CUL3: variants seen among roughly 807,000 people sequenced by gnomAD.
CUL3 encodes cullin-3.
A neutral mutation model predicts 89.1 loss-of-function variants in CUL3; 19 were observed. The ratio of observed to expected loss-of-function variants is 0.21; its 90% CI spans 0.15 to 0.31. CUL3 has a LOEUF of 0.31. Among genes scored for constraint, CUL3 ranks in the 10% least tolerant of loss-of-function variants. The pLI is 1.00. For synonymous variants in CUL3, 351 were observed against 308.4 expected (o/e 1.14, Z -1.45); for missense variants, 469 against 942.3 (o/e 0.50, Z 6.58).
intron 14 of CUL3, chr2:224,478,902 A>G (rs1335037559): frequency 6.6e-6 from 1 of 152,396 alleles, no homozygotes; most frequent in Non-Finnish European, 1.5e-5. Context: ...ATCTCCCTAG[A>G]GTTCTGTTAT....
At chr2:224,531,366 G>A (rs975553144) in intron 3 of CUL3, among the ~76,000 whole-genome samples, 4 of 151,934 alleles carry the variant, frequency 2.6e-5, no homozygotes, top group African/African-American at 9.7e-5. Flanking sequence ...GGAATTACAG[G>A]GGTGAGCCAC....
At chr2:224,579,707 G>A (rs1341767826) in intron 1 of CUL3, among the ~76,000 whole-genome samples, 1 of 152,162 alleles carries the variant, frequency 6.6e-6, no homozygotes, top group African/African-American at 2.4e-5. Flanking sequence ...TGATGAGTTA[G>A]CAAGCTTTTA....
At chr2:224,553,465 T>C (rs1189863432) in intron 2 of CUL3, among the ~76,000 whole-genome samples, 3 of 152,214 alleles carry the variant, frequency 2.0e-5, no homozygotes, top group Non-Finnish European at 4.4e-5. Flanking sequence ...TTAAAATTTA[T>C]TTAGTACAAT....
intron 14 of CUL3, chr2:224,478,670 G>C: frequency 4.6e-6 from 1 of 215,476 alleles, no homozygotes; most frequent in South Asian, 8.6e-5. Flanking sequence ...CATTGCTTAT[G>C]ACTATCAGAG....
At position 224,584,430 on chromosome 2, in the gene CUL3, T is replaced by TGC. The variant is rs1406446981; in HGVS notation, c.66+512_66+513dup. Reference sequence around the variant, plus strand: ...GAGCATTCCGTGGAACCACTGTCACTGCGTCGGGGGCAGGTTGATGGCATA... The same window carrying TGC: ...GAGCATTCCGTGGAACCACTGTCACTGCGCGTCGGGGGCAGGTTGATGGCATA... On this transcript the variant is annotated intron_variant, in intron 1 of 15. Coordinates refer to ENST00000264414, the MANE Select transcript of CUL3 (RefSeq NM_003590.5). Among the ~76,000 whole-genome samples, 4 of 152,184 alleles carry TGC rather than the reference T, an allele frequency of 2.6e-5. No individual in the cohort carries two copies. The East Asian group carries it at 7.7e-4, about 29-fold the overall frequency.
At chr2:224,513,197 T>C (rs960038953) in intron 5 of CUL3, among the ~76,000 whole-genome samples, 8 of 152,208 alleles carry the variant, frequency 5.3e-5, no homozygotes, top group African/African-American at 1.7e-4. Flanking sequence ...TAGCACACTA[T>C]TAGTTAAGTT....
chr2:224,551,443 G>T (rs574278463), intron 2 of CUL3, among the ~76,000 whole-genome samples: 1 of 151,730 alleles, frequency 6.6e-6, no homozygotes, highest in African/African-American at 2.4e-5. Flanking sequence ...CTGACCTCGT[G>T]ATCTGCCCAC....
At chr2:224,489,682 A>G (rs1691879864) in intron 13 of CUL3, among the ~76,000 whole-genome samples, 1 of 152,212 alleles carries the variant, frequency 6.6e-6, no homozygotes, top group Non-Finnish European at 1.5e-5. Context: ...TGCTATTCCC[A>G]TCAAGCTACC....
chr2:224,539,802 G>C (rs1320190235), intron 2 of CUL3, among the ~76,000 whole-genome samples: 1 of 151,974 alleles, frequency 6.6e-6, no homozygotes, highest in Non-Finnish European at 1.5e-5. Flanking sequence ...AGTAGGCAGA[G>C]CACAGGATTC....
At chr2:224,533,767 C>T (rs889073603) in intron 3 of CUL3, among the ~76,000 whole-genome samples, 1 of 152,086 alleles carries the variant, frequency 6.6e-6, no homozygotes, top group Admixed American at 6.5e-5. Flanking sequence ...AATTTATAAC[C>T]GGATGAGAAA....
intron 13 of CUL3, among the ~76,000 whole-genome samples, chr2:224,491,268 T>C (rs1691965715): frequency 6.6e-6 from 1 of 152,194 alleles, no homozygotes; most frequent in Non-Finnish European, 1.5e-5. Flanking sequence ...TTGGGTACAT[T>C]TACCCTTTCA....
Position 224,585,216 on chromosome 2 carries a change from T to G in CUL3, c.-207A>C. 2.7e-6 allele frequency: 1 copy of G among 370,118 alleles called. No individual in the cohort carries two copies. The allele number at this position is 370,118 out of a possible 1,614,324, so 22.9% of individuals were successfully genotyped here. A position where few individuals can be genotyped will look rare whatever the true frequency, so the allele number is the denominator to read the frequency against. On this transcript the variant is annotated 5_prime_UTR_variant, in exon 1 of 16. Transcript: ENST00000264414. ...CGGCGGCGGCTCGGACTCTGGCGAC[T>G]CCGATGCGGCTGGGGGGCTGCGCTG...
At chr2:224,547,204 A>G (rs758539205) in intron 2 of CUL3, among the ~76,000 whole-genome samples, 3 of 152,110 alleles carry the variant, frequency 2.0e-5, no homozygotes, top group Non-Finnish European at 4.4e-5. Flanking sequence ...AATGGCTCCC[A>G]CCACCAACAG....
intron 10 of CUL3, among the ~76,000 whole-genome samples, chr2:224,501,788 T>C (rs549025633): frequency 6.6e-6 from 1 of 152,150 alleles, no homozygotes. Context: ...AAGTGGACAG[T>C]CCATCCATCC....
At position 224,516,536 on chromosome 2, in the gene CUL3, C is replaced by T. The variant is rs376847925; in HGVS notation, c.379-1764G>A. Among the ~76,000 whole-genome samples, 417 of 151,974 alleles carry T rather than the reference C, an allele frequency of 2.7e-3. 3 individuals are homozygous for T. The highest frequency in any genetic ancestry group is 9.6e-3 in the African/African-American group (398 of 41,466). ...TTCACCATGTTGGCCAGGATGGTCT[C>T]GATCTCTTGACCTTGTGATCTGCCC... is the stretch of plus-strand genomic sequence containing the variant. On this transcript the variant is annotated intron_variant, in intron 3 of 15. Transcript: ENST00000264414.
At chr2:224,543,378 T>TC (rs1694184924) in intron 2 of CUL3, among the ~76,000 whole-genome samples, 1 of 152,134 alleles carries the variant, frequency 6.6e-6, no homozygotes, top group Non-Finnish European at 1.5e-5. Context: ...ATGGAGCACA[T>TC]CCTAATTATA....
At chr2:224,541,528 TTAAA>T (rs1694102798) in intron 2 of CUL3, among the ~76,000 whole-genome samples, 1 of 152,268 alleles carries the variant, frequency 6.6e-6, no homozygotes, top group East Asian at 1.9e-4. Context: ...TCTTAGGAAG[TTAAA>T]TAACATCACG....
At chr2:224,476,068 G>A (rs1357853656) in intron 15 of CUL3, among the ~76,000 whole-genome samples, 1 of 151,730 alleles carries the variant, frequency 6.6e-6, no homozygotes, top group Non-Finnish European at 1.5e-5. Flanking sequence ...CTGTCGCCCA[G>A]GGTGGAGTAC....
rs1278414158 is a variant in CUL3, at chr2:224,474,426, A to G, written c.2176-50T>C. ...TTTATATAAACACATAAAAATTCGTATCTTTGAACAGAACTGATATGTCAT... is the reference window on the plus strand; with the variant it reads ...TTTATATAAACACATAAAAATTCGTGTCTTTGAACAGAACTGATATGTCAT... On this transcript the variant is annotated intron_variant, in intron 15 of 15. Transcript: ENST00000264414. The G allele has an allele frequency of 2.7e-6, 4 of 1,500,052 alleles. No individual in the cohort carries two copies. The South Asian group carries it at 3.6e-5, about 13-fold the overall frequency. 92.9% of individuals were successfully genotyped at this position (1,500,052 alleles called of 1,614,324 possible).
Sources: gnomAD v4.1 joint callset for allele counts (sites outside exome capture counted in the v4.1 genomes callset) on GRCh38, gnomAD v4.1.1 for gene constraint, MANE v1.5 for transcripts, NCBI Gene and HGNC (gene_info 2026-07-23, HGNC 2026-07-21) for gene names.